The following TTC6 variants were observed in gnomAD, a reference collection of about 807,000 sequenced individuals.
The protein encoded by TTC6 is tetratricopeptide repeat domain 6.
TTC6 carries 172 observed loss-of-function variants against 210.4 expected under a neutral mutation model. The observed-to-expected ratio is 0.82, with a 90% CI of 0.72 to 0.93. The LOEUF (loss-of-function observed/expected upper bound fraction) is 0.93, where lower values mean the gene tolerates loss of function less well. Among genes scored for constraint, TTC6 ranks in the 40% least tolerant of loss-of-function variants. The pLI is 0.00. For synonymous variants in TTC6, 804 were observed against 819.6 expected (o/e 0.98, Z 0.32); for missense variants, 2,414 against 2,318.1 (o/e 1.04, Z -0.85).
intron 7 of TTC6, among the ~76,000 whole-genome samples, chr14:37,730,129 A>G (rs61977090): frequency 0.22 from 33,658 of 151,952 alleles, 4,277 homozygotes; most frequent in Middle Eastern, 0.36. Flanking sequence ...TTCTTCAAAG[A>G]CTCCTGGTTG....
intron 5 of TTC6, among the ~76,000 whole-genome samples, chr14:37,703,665 A>T (rs1387340184): frequency 2.6e-5 from 4 of 152,134 alleles, no homozygotes. Context: ...ATCATTATTT[A>T]TGGCAAACAC....
chr14:37,745,351 G>T (rs1488651490), intron 10 of TTC6, among the ~76,000 whole-genome samples: 1 of 152,106 alleles, frequency 6.6e-6, no homozygotes, highest in East Asian at 1.9e-4. Context: ...TGGAGATATG[G>T]TGGGAATTGC....
chr14:37,829,418 G>T (rs73260749), intron 29 of TTC6, among the ~76,000 whole-genome samples: 1,675 of 151,370 alleles, frequency 0.011, 25 homozygotes, highest in African/African-American at 0.039. Context: ...TTATAGTTTT[G>T]TTGTAGTGAT....
chr14:37,772,759 C>G (rs1170542232), intron 14 of TTC6, among the ~76,000 whole-genome samples: 1 of 152,148 alleles, frequency 6.6e-6, no homozygotes, highest in Admixed American at 6.5e-5. Context: ...AGATATCACC[C>G]GTCTTCTGCG....
intron 2 of TTC6, among the ~76,000 whole-genome samples, chr14:37,612,633 G>A (rs1485499343): frequency 6.6e-6 from 1 of 152,168 alleles, no homozygotes; most frequent in Non-Finnish European, 1.5e-5. Flanking sequence ...GACATGATAT[G>A]TCTCCATTTA....
intron 4 of TTC6, among the ~76,000 whole-genome samples, chr14:37,700,627 C>T (rs1158232595): frequency 6.6e-6 from 1 of 151,536 alleles, no homozygotes; most frequent in East Asian, 2.0e-4. Flanking sequence ...CCTGTAGTCC[C>T]AGCTACTCAG....
intron 27 of TTC6, among the ~76,000 whole-genome samples, chr14:37,824,802 C>A (rs931946519): frequency 6.6e-6 from 1 of 151,948 alleles, no homozygotes; most frequent in African/African-American, 2.4e-5. Context: ...ATACAGTGTT[C>A]CGTAAAGTGG....
At chr14:37,753,298 C>G in intron 14 of TTC6, 63 bp downstream of exon 16, 5 of 1,356,758 alleles carry the variant, frequency 3.7e-6, no homozygotes, top group Non-Finnish European at 4.9e-6. Flanking sequence ...ATTTTCAGAA[C>G]AGAAAATTGC....
exon 1 of TTC6, chr14:37,622,908 G>A (rs1301563871): frequency 2.0e-6 from 3 of 1,534,848 alleles, no homozygotes; most frequent in East Asian, 4.9e-5. Context: ...AGAGATCATC[G>A]CCTCTCTGCA....
intron 22 of TTC6, among the ~76,000 whole-genome samples, chr14:37,806,717 G>T (rs528694813): frequency 1.4e-4 from 22 of 152,014 alleles, no homozygotes; most frequent in African/African-American, 4.3e-4. Flanking sequence ...ATATATAAAC[G>T]TATCTGTGAA....
chr14:37,601,180 T>C (rs1248182071), intron 1 of TTC6, among the ~76,000 whole-genome samples: 1 of 152,240 alleles, frequency 6.6e-6, no homozygotes, highest in Non-Finnish European at 1.5e-5. Flanking sequence ...TTAAAAACTT[T>C]GCAGCCTTTC....
intron 29 of TTC6, among the ~76,000 whole-genome samples, chr14:37,831,317 A>G (rs759667314): frequency 9.9e-5 from 15 of 152,262 alleles, no homozygotes; most frequent in African/African-American, 2.9e-4. Flanking sequence ...TTCTTTATCT[A>G]TTCACCTGCT....
intron 25 of TTC6, among the ~76,000 whole-genome samples, chr14:37,816,935 T>G (rs1434924906): frequency 6.6e-6 from 1 of 152,142 alleles, no homozygotes; most frequent in Non-Finnish European, 1.5e-5. Flanking sequence ...TCCAGTGCTT[T>G]GAAACAGCCT....
chr14:37,822,554 T>A (rs2096160472), intron 26 of TTC6, among the ~76,000 whole-genome samples: 1 of 152,224 alleles, frequency 6.6e-6, no homozygotes, highest in African/African-American at 2.4e-5. Context: ...GTTTCTGTGC[T>A]AGGTGTTCTT....
At chr14:37,746,160 C>T (rs1244569493) in intron 10 of TTC6, among the ~76,000 whole-genome samples, 1 of 152,160 alleles carries the variant, frequency 6.6e-6, no homozygotes, top group Non-Finnish European at 1.5e-5. Context: ...AATTTTACCA[C>T]TCCAGGGTTC....
chr14:37,671,588 A>C (rs190501695), intron 1 of TTC6, among the ~76,000 whole-genome samples: 137 of 152,264 alleles, frequency 9.0e-4, no homozygotes, highest in Admixed American at 2.4e-3. Flanking sequence ...CATGTAAGAA[A>C]ATTAATGGAA....
chr14:37,620,062 ATACT>A (rs2095648854), upstream of TTC6, among the ~76,000 whole-genome samples: 1 of 152,180 alleles, frequency 6.6e-6, no homozygotes, highest in South Asian at 2.1e-4. Flanking sequence ...TTATGCCTAG[ATACT>A]TACTTTAAAA....
chr14:37,689,591 A>G (rs1444447422), intron 3 of TTC6, among the ~76,000 whole-genome samples: 2 of 152,154 alleles, frequency 1.3e-5, no homozygotes, highest in Admixed American at 6.5e-5. Context: ...GAAACAACAT[A>G]CAATAGAGCT....
rs139907683 is a variant in TTC6, at chr14:37,759,138, C to G, written c.3266+5903C>G. Among the ~76,000 whole-genome samples, 305 of 151,774 alleles carry G rather than the reference C, an allele frequency of 2.0e-3. 2 individuals are homozygous for G. Among genetic ancestry groups the G allele is most frequent in the African/African-American group, 6.8e-3 (280 of 41,370 alleles). On this transcript the variant is annotated intron_variant, in intron 14 of 30. Coordinates refer to ENST00000553443, the Ensembl canonical transcript of TTC6. ...ATTAGCCAGGCGTGGTGGCATATGC[C>G]TATAGTCCCAGGTACTCAGGAGGCT...
Sources: allele counts gnomAD v4.1 joint callset (sites outside exome capture counted in the v4.1 genomes callset), GRCh38; gene constraint gnomAD v4.1.1; transcripts MANE v1.5; gene names NCBI Gene and HGNC (gene_info 2026-07-23, HGNC 2026-07-21).